RANBP2: variants seen among roughly 807,000 people sequenced by gnomAD.
RANBP2 encodes the protein RAN binding protein 2.
Under a neutral mutation model 303.6 loss-of-function variants are expected in RANBP2, and 57 were observed. The ratio of observed to expected loss-of-function variants is 0.19; its 90% CI spans 0.15 to 0.23. The LOEUF is 0.23. Ranked by LOEUF, RANBP2 falls within the 10% of genes least tolerant of loss-of-function variation. RANBP2 has a pLI of 1.00. For synonymous variants in RANBP2, 1,167 were observed against 1,301.5 expected (o/e 0.90, Z 2.23); for missense variants, 3,138 against 3,780.8 (o/e 0.83, Z 4.46).
chr2:109,186,671 A>G, the RANBP2 span, among the ~76,000 whole-genome samples: 42 of 152,316 alleles, frequency 2.8e-4, no homozygotes, highest in South Asian at 8.5e-3. Flanking sequence ...CCTGCGGGAA[A>G]TGCATCTTAC....
the RANBP2 span, chr2:108,897,005 G>A: frequency 1.2e-6 from 2 of 1,613,924 alleles, no homozygotes; most frequent in South Asian, 2.2e-5. Context: ...CGCTCAATCT[G>A]CACCAGTTTT....
the RANBP2 span, among the ~76,000 whole-genome samples, chr2:109,022,605 G>A: frequency 6.6e-6 from 1 of 152,180 alleles, no homozygotes; most frequent in Non-Finnish European, 1.5e-5. Flanking sequence ...TCCAAAAGGT[G>A]GGAGGGGGAG....
At chr2:108,946,885 C>T in the RANBP2 span, among the ~76,000 whole-genome samples, 1 of 136,548 alleles carries the variant, frequency 7.3e-6, no homozygotes, top group Non-Finnish European at 1.5e-5. Flanking sequence ...CTGGTCCCTC[C>T]CAAATCTCAT....
the RANBP2 span, among the ~76,000 whole-genome samples, chr2:108,860,053 G>T: frequency 6.6e-6 from 1 of 151,928 alleles, no homozygotes; most frequent in Non-Finnish European, 1.5e-5. Flanking sequence ...TATCTTGTGT[G>T]TGTGTGGCTG....
chr2:109,479,171 G>A, the RANBP2 span, among the ~76,000 whole-genome samples: 27 of 152,220 alleles, frequency 1.8e-4, no homozygotes, highest in South Asian at 4.2e-3. Flanking sequence ...GTGAGTGCAC[G>A]GCCTGCCCTT....
At chr2:109,089,854 G>T in the RANBP2 span, among the ~76,000 whole-genome samples, 1 of 152,142 alleles carries the variant, frequency 6.6e-6, no homozygotes, top group Non-Finnish European at 1.5e-5. Flanking sequence ...TTATCCAAAA[G>T]AACTGTCTAT....
chr2:108,998,747 A>G, the RANBP2 span, among the ~76,000 whole-genome samples: 11 of 146,284 alleles, frequency 7.5e-5, no homozygotes, highest in Non-Finnish European at 1.1e-4. Flanking sequence ...AAAGATCTGG[A>G]TTTTTTTTTT....
chr2:109,081,245 C>T, the RANBP2 span, among the ~76,000 whole-genome samples: 2 of 152,126 alleles, frequency 1.3e-5, no homozygotes, highest in Non-Finnish European at 2.9e-5. Context: ...TTTTACATTA[C>T]CTGTGGGAAA....
chr2:109,248,204 A>G, the RANBP2 span, among the ~76,000 whole-genome samples: 1 of 152,180 alleles, frequency 6.6e-6, no homozygotes, highest in African/African-American at 2.4e-5. Context: ...TCATTGCTAT[A>G]TATGTTGATT....
chr2:109,730,417 T>C, the RANBP2 span, among the ~76,000 whole-genome samples: 3 of 152,146 alleles, frequency 2.0e-5, no homozygotes. Flanking sequence ...GAAGAATGAC[T>C]AGCTTCAGCC....
At chr2:109,048,652 A>G in the RANBP2 span, among the ~76,000 whole-genome samples, 21 of 29,198 alleles carry the variant, frequency 7.2e-4, no homozygotes, top group African/African-American at 1.2e-3. Flanking sequence ...AGTAAAATCA[A>G]TCTTTTTTTG....
At chr2:108,733,078 C>G (rs1284008772) in intron 4 of RANBP2, among the ~76,000 whole-genome samples, 1 of 152,112 alleles carries the variant, frequency 6.6e-6, no homozygotes, top group African/African-American at 2.4e-5. Context: ...CCTGCCCCAG[C>G]CTCCCAAAGT....
At chr2:109,109,830 A>T in the RANBP2 span, among the ~76,000 whole-genome samples, 8 of 152,288 alleles carry the variant, frequency 5.3e-5, no homozygotes, top group East Asian at 1.5e-3. Flanking sequence ...AATGATTCTC[A>T]CACTTTTCTA....
At chr2:109,055,812 G>A in the RANBP2 span, among the ~76,000 whole-genome samples, 6 of 146,816 alleles carry the variant, frequency 4.1e-5, no homozygotes, top group Non-Finnish European at 7.4e-5. Context: ...CTAGGCTGGA[G>A]TGCAGTGGCG....
intron 4 of RANBP2, among the ~76,000 whole-genome samples, chr2:108,734,742 C>T (rs928351115): frequency 5.9e-5 from 9 of 151,460 alleles, no homozygotes; most frequent in African/African-American, 1.2e-4. Context: ...ATGGTGGTTT[C>T]GGTGGTATGA....
the RANBP2 span, among the ~76,000 whole-genome samples, chr2:108,820,747 T>C: frequency 6.8e-6 from 1 of 147,278 alleles, no homozygotes; most frequent in African/African-American, 2.5e-5. Context: ...AAGAGTACTA[T>C]ATCCAGCTAA....
chr2:109,511,312 G>C, the RANBP2 span, among the ~76,000 whole-genome samples: 15 of 152,232 alleles, frequency 9.9e-5, no homozygotes, highest in African/African-American at 3.6e-4. Context: ...GCCACAACAA[G>C]TTCTCAGCTG....
the RANBP2 span, among the ~76,000 whole-genome samples, chr2:109,259,524 G>A: frequency 0.25 from 38,309 of 152,066 alleles, 5,236 homozygotes; most frequent in East Asian, 0.46. Context: ...GACTCTCCGG[G>A]GCCCTTCATG....
the RANBP2 span, among the ~76,000 whole-genome samples, chr2:108,837,111 C>T: frequency 6.6e-6 from 1 of 152,078 alleles, no homozygotes; most frequent in African/African-American, 2.4e-5. Context: ...GTGTGCTTGT[C>T]TTGTTCCTGA....
Sources: allele counts gnomAD v4.1 joint callset (sites outside exome capture counted in the v4.1 genomes callset), GRCh38; gene constraint gnomAD v4.1.1; transcripts MANE v1.5; gene names NCBI Gene and HGNC (gene_info 2026-07-23, HGNC 2026-07-21).